The following FAAH2 variants were observed in gnomAD, a reference collection of about 807,000 sequenced individuals.
FAAH2 encodes fatty-acid amide hydrolase 2.
In FAAH2, 60 loss-of-function variants were observed where a neutral mutation model predicts 36.9. The observed-to-expected ratio is 1.63, with a 90% CI of 1.32 to 2.02. The LOEUF (loss-of-function observed/expected upper bound fraction) is 2.02. Ranked by LOEUF, FAAH2 falls within the 30% of genes most tolerant of loss-of-function variation. FAAH2 has a pLI of 0.00. For synonymous variants in FAAH2, 214 were observed against 143.8 expected (o/e 1.49, Z -3.49); for missense variants, 689 against 397.5 (o/e 1.73, Z -6.23).
the FAAH2 span, among the ~76,000 whole-genome samples, chrX:57,186,897 C>T: frequency 1.8e-5 from 2 of 111,365 alleles, no homozygotes; most frequent in Non-Finnish European, 3.8e-5. Flanking sequence ...ATTTCTGAGG[C>T]CTCTGTTCTG....
intron 5 of FAAH2, among the ~76,000 whole-genome samples, chrX:57,370,588 G>C (rs927195470): frequency 9.0e-6 from 1 of 111,694 alleles, no homozygotes; most frequent in Non-Finnish European, 1.9e-5. Context: ...TGAAAACTCA[G>C]ATATAAACTA....
the FAAH2 span, among the ~76,000 whole-genome samples, chrX:57,126,317 C>G: frequency 8.9e-6 from 1 of 112,249 alleles, no homozygotes. Flanking sequence ...TCAATTGATA[C>G]TGCAGCCTAG....
In FAAH2 at chrX:57,391,106, TG is replaced by T. The variant is rs755912860; in HGVS notation, c.996+10078del. 4.4e-3 allele frequency among the ~76,000 whole-genome samples: 497 copies of T among 111,739 alleles called. 6 individuals are homozygous for T. Among genetic ancestry groups the T allele is most frequent in the African/African-American group, 0.015 (477 of 30,844 alleles). On this transcript the variant is annotated intron_variant, in intron 7 of 10. Coordinates refer to ENST00000374900, the MANE Select transcript of FAAH2 (RefSeq NM_174912.4). ...TGAGCACCTTTTCATAATTTTTTTT[TG>T]TAGCTAATTGCATGTCTTATTTTAA...
rs746443232 is a variant in FAAH2 at position 57,331,679 on chromosome X, G to A, written c.494G>A (p.Gly165Glu). Residue 165 changes from glycine (G) to glutamate (E), a missense_variant, in exon 4 of 11, where the codon GGA becomes GAA. By Grantham distance (98) the Gly-to-Glu change is moderately conservative. Coordinates refer to ENST00000374900, the MANE Select transcript of FAAH2 (RefSeq NM_174912.4). ...TDATVVALLK[G>E]AGAIPLGITN... is the part of the protein sequence containing the mutation. ...GCCACTGTGGTGGCATTACTGAAGG[G>A]AGCTGGTGCCATTCCTCTTGGCATA... is the stretch of plus-strand genomic sequence containing the variant. 2.5e-6 allele frequency: 3 copies of A among 1,209,869 alleles called. No homozygotes were observed. Among genetic ancestry groups the A allele is most frequent in the African/African-American group, 1.7e-5 (1 of 57,173 alleles).
chrX:57,149,017 C>A, the FAAH2 span, among the ~76,000 whole-genome samples: 1 of 111,813 alleles, frequency 8.9e-6, no homozygotes, highest in Non-Finnish European at 1.9e-5. Flanking sequence ...TTGAGATAAT[C>A]ATGTGGTTTT....
chrX:57,324,540 T>C (rs1392460434), intron 3 of FAAH2, among the ~76,000 whole-genome samples: 1 of 112,015 alleles, frequency 8.9e-6, no homozygotes, highest in Non-Finnish European at 1.9e-5. Flanking sequence ...TAGTTCTCCT[T>C]GAAGAGGTCC....
chrX:57,300,402 A>G (rs1193467289), intron 2 of FAAH2, among the ~76,000 whole-genome samples: 3 of 112,106 alleles, frequency 2.7e-5, no homozygotes, highest in African/African-American at 6.5e-5. Context: ...CCGGCTAGCT[A>G]TATATGTAGA....
intron 10 of FAAH2, among the ~76,000 whole-genome samples, chrX:57,471,331 G>T (rs373828091): frequency 8.9e-6 from 1 of 112,024 alleles, no homozygotes; most frequent in South Asian, 3.7e-4. Context: ...TGACAAGATT[G>T]TAAATCTAGA....
chrX:57,425,748 C>T (rs2147093366), intron 7 of FAAH2, among the ~76,000 whole-genome samples: 1 of 111,173 alleles, frequency 9.0e-6, no homozygotes, highest in South Asian at 3.8e-4. Context: ...TACTCTCCAT[C>T]ATAAGAGCAC....
chrX:57,160,113 T>C, the FAAH2 span, among the ~76,000 whole-genome samples: 1 of 111,848 alleles, frequency 8.9e-6, no homozygotes, highest in Non-Finnish European at 1.9e-5. Flanking sequence ...TTTTTGTCGT[T>C]GGTGCTGTTT....
the FAAH2 span, among the ~76,000 whole-genome samples, chrX:57,270,155 A>G: frequency 9.0e-6 from 1 of 111,702 alleles, no homozygotes; most frequent in Admixed American, 9.5e-5. Context: ...CACCCTCGCA[A>G]GACTGAGCCA....
chrX:57,407,842 G>A (rs2055605882), intron 7 of FAAH2, among the ~76,000 whole-genome samples: 2 of 111,963 alleles, frequency 1.8e-5, no homozygotes, highest in Non-Finnish European at 1.9e-5. Flanking sequence ...TTTAAGATAA[G>A]GGATTAATTT....
At chrX:57,460,868 AGAGTC>A (rs998762744) in intron 10 of FAAH2, among the ~76,000 whole-genome samples, 5 of 111,880 alleles carry the variant, frequency 4.5e-5, no homozygotes, top group African/African-American at 1.6e-4. Flanking sequence ...AATTGGATAA[AGAGTC>A]GAGACCCATC....
chrX:57,249,616 G>C, the FAAH2 span, among the ~76,000 whole-genome samples: 3 of 111,851 alleles, frequency 2.7e-5, no homozygotes, highest in Non-Finnish European at 5.6e-5. Context: ...GAACTACCCT[G>C]ACCTTCTCCT....
rs941000005 is a variant in FAAH2 at position 57,307,889 on chromosome X, A to G, written c.276-2704A>G. Among the ~76,000 whole-genome samples the G allele has an allele frequency of 1.4e-3, 128 of 93,467 alleles. 1 individual carries two copies. The highest frequency in any genetic ancestry group is 2.6e-3 in the Non-Finnish European group (119 of 46,550). 81.2% of individuals were successfully genotyped at this position (93,467 alleles called of 115,157 possible). A position where few individuals can be genotyped will look rare whatever the true frequency, so the allele number is the denominator to read the frequency against. On this transcript the variant is annotated intron_variant, in intron 2 of 10. Transcript: ENST00000374900. Reference sequence around the variant, plus strand: ...CACTGAGAAATGAGAACAATGTGATATTTGGTTTTTGTGCCTGTGTTAATT... The same window carrying G: ...CACTGAGAAATGAGAACAATGTGATGTTTGGTTTTTGTGCCTGTGTTAATT...
intron 10 of FAAH2, among the ~76,000 whole-genome samples, chrX:57,486,292 G>A (rs182512727): frequency 2.7e-5 from 3 of 111,567 alleles, no homozygotes; most frequent in African/African-American, 6.5e-5. Context: ...TCTGGCCTGA[G>A]GAAGCCTTAA....
intron 10 of FAAH2, among the ~76,000 whole-genome samples, chrX:57,485,350 C>T (rs960748098): frequency 1.8e-5 from 2 of 111,128 alleles, no homozygotes; most frequent in African/African-American, 3.3e-5. Flanking sequence ...CAAGCCATGG[C>T]CACAGTCTTC....
the FAAH2 span, among the ~76,000 whole-genome samples, chrX:57,152,918 C>T: frequency 8.1e-5 from 9 of 110,436 alleles, no homozygotes; most frequent in East Asian, 2.9e-4. Flanking sequence ...GCTCCCCCCC[C>T]GCTGACCTCT....
chrX:57,300,385 G>T (rs2052314479), intron 2 of FAAH2, among the ~76,000 whole-genome samples: 1 of 111,941 alleles, frequency 8.9e-6, no homozygotes, highest in Non-Finnish European at 1.9e-5. Context: ...AAATGGTTCT[G>T]TGAAAACCGG....
Sources: gnomAD v4.1 joint callset for allele counts (sites outside exome capture counted in the v4.1 genomes callset) on GRCh38, gnomAD v4.1.1 for gene constraint, MANE v1.5 for transcripts, NCBI Gene and HGNC (gene_info 2026-07-23, HGNC 2026-07-21) for gene names.